SMCHD1: variants seen among roughly 807,000 people sequenced by gnomAD.
The protein encoded by SMCHD1 is structural maintenance of chromosomes flexible hinge domain-containing protein 1.
SMCHD1 carries 78 observed loss-of-function variants against 254.7 expected under a neutral mutation model. The observed-to-expected ratio is 0.31, with a 90% confidence interval of 0.26 to 0.37. The LOEUF (loss-of-function observed/expected upper bound fraction) is 0.37, where lower values mean the gene tolerates loss of function less well. Ranked by LOEUF, SMCHD1 falls within the 10% of genes least tolerant of loss-of-function variation. The pLI is 1.00. For synonymous variants in SMCHD1, 766 were observed against 794.9 expected, an observed-to-expected ratio of 0.96 and a Z score of 0.61; for missense variants, 1,840 against 2,408.1, an observed-to-expected ratio of 0.76 and a Z score of 4.94.
At chr18:2,714,638 A>T (rs894756198) in intron 17 of SMCHD1, among the ~76,000 whole-genome samples, 1 of 151,962 alleles carries the variant, frequency 6.6e-6, no homozygotes, top group Non-Finnish European at 1.5e-5. Flanking sequence ...ATTGTTTTAT[A>T]ATACCTGTGA....
At chr18:2,709,323 C>A (rs1440297344) in intron 17 of SMCHD1, among the ~76,000 whole-genome samples, 1 of 151,284 alleles carries the variant, frequency 6.6e-6, no homozygotes, top group Non-Finnish European at 1.5e-5. Context: ...GTTACTTTCA[C>A]CTGTTGTCTA....
Position 2,762,062 on chromosome 18 carries a change from C to T in SMCHD1, c.4435-43C>T, listed in dbSNP as rs1221004053. 3.8e-6 allele frequency: 6 copies of T among 1,559,798 alleles called. No individual in the cohort carries two copies. The South Asian group carries it at 7.0e-5, about 18-fold the overall frequency. On this transcript the variant is annotated intron_variant, in intron 35 of 47. Coordinates refer to ENST00000320876, the MANE Select transcript of SMCHD1 (RefSeq NM_015295.3). ...CTTCCCTTCCTCTTAAATGCTAAAG[C>T]ATCAATATATTGTTAATCAGAATGT...
Position 2,804,243 on chromosome 18 carries a change from C to T in SMCHD1, c.*1691C>T, listed in dbSNP as rs1311906283. ...TTTAAATCCAAGGCATTGAGACTAT[C>T]TAGAAGCAAAAAAGTTGGTTTTAAA... On this transcript the variant is annotated 3_prime_UTR_variant, in exon 48 of 48. Transcript: ENST00000320876. 2 of 152,186 alleles carry T rather than the reference C, an allele frequency of 1.3e-5. No homozygotes were observed. Among genetic ancestry groups the T allele is most frequent in the Non-Finnish European group, 2.9e-5 (2 of 68,028 alleles). 9.4% of individuals were successfully genotyped at this position (152,186 alleles called of 1,614,324 possible). A position where few individuals can be genotyped will look rare whatever the true frequency, so the allele number is the denominator to read the frequency against.
chr18:2,667,826 C>T lies in SMCHD1; in HGVS notation c.424+795C>T, dbSNP rs551238884. Among the ~76,000 whole-genome samples, 65 of 152,130 alleles carry T rather than the reference C, an allele frequency of 4.3e-4. 1 individual carries two copies. Among genetic ancestry groups the T allele is most frequent in the Non-Finnish European group, 8.4e-4 (57 of 67,986 alleles). On this transcript the variant is annotated intron_variant, in intron 3 of 47. Transcript: ENST00000320876. The stretch of plus-strand genomic sequence containing the variant: ...AGTGAACATCTTTTAATATATATGT[C>T]TCTGTATATTTTGATAATATTTAGG...
chr18:2,671,081 C>T (rs903175489), intron 3 of SMCHD1, among the ~76,000 whole-genome samples: 6 of 151,364 alleles, frequency 4.0e-5, no homozygotes, highest in African/African-American at 1.5e-4. Context: ...GGATTACAGG[C>T]GTGCACCACC....
At position 2,683,151 on chromosome 18, in the gene SMCHD1, T is replaced by G. The variant is rs183856058; in HGVS notation, c.639-5243T>G. Reference sequence around the variant, plus strand: ...TTTGTATATTTTCCCAGAAATATTTTAAGGAAAATATCAGAGAGTATTTTC... The same window carrying G: ...TTTGTATATTTTCCCAGAAATATTTGAAGGAAAATATCAGAGAGTATTTTC... On this transcript the variant is annotated intron_variant, in intron 5 of 47. Coordinates refer to ENST00000320876, the MANE Select transcript of SMCHD1 (RefSeq NM_015295.3). Among the ~76,000 whole-genome samples the G allele has an allele frequency of 4.1e-3, 626 of 152,320 alleles. 3 individuals are homozygous for G. Among genetic ancestry groups the G allele is most frequent in the African/African-American group, 0.015 (605 of 41,566 alleles).
intron 8 of SMCHD1, among the ~76,000 whole-genome samples, 166 bp from the exon 9 acceptor site, chr18:2,696,866 A>G (rs1436918335): frequency 6.6e-6 from 1 of 152,180 alleles, no homozygotes; most frequent in Non-Finnish European, 1.5e-5. Context: ...AGATGCAGTA[A>G]TACCTGCATC....
intron 3 of SMCHD1, 52 bp from the exon 4 acceptor site, chr18:2,673,229 A>G (rs2073659098): frequency 2.7e-6 from 4 of 1,504,286 alleles, no homozygotes; most frequent in Non-Finnish European, 2.7e-6. Context: ...GAACTTTTAT[A>G]TAAAGTATGT....
At chr18:2,750,223 G>A (rs2075545520) in intron 31 of SMCHD1, 101 bp downstream of exon 31, 2 of 1,407,580 alleles carry the variant, frequency 1.4e-6, no homozygotes, top group Admixed American at 4.5e-5. Context: ...TTTAATGTTA[G>A]GCAAGAGTTG....
At chr18:2,745,549 A>G (rs1206210556) in intron 29 of SMCHD1, among the ~76,000 whole-genome samples, 1 of 152,220 alleles carries the variant, frequency 6.6e-6, no homozygotes, top group African/African-American at 2.4e-5. Flanking sequence ...CTGAAAAGCC[A>G]GTGCATTTTT....
At chr18:2,765,555 A>T (rs1335848343) in intron 37 of SMCHD1, among the ~76,000 whole-genome samples, 2 of 152,182 alleles carry the variant, frequency 1.3e-5, no homozygotes, top group African/African-American at 4.8e-5. Context: ...AGTTTCCAAC[A>T]TTTAAAGTTC....
In SMCHD1 at chr18:2,688,330, A is replaced by G. The variant is rs1034138670; in HGVS notation, c.639-64A>G. On this transcript the variant is annotated intron_variant, in intron 5 of 47. Transcript: ENST00000320876. The stretch of plus-strand genomic sequence containing the variant: ...TTTATTAACACTGAATACAAGTGCA[A>G]TGAAAGTTTCTTTTGACACTTAACT... The G allele has an allele frequency of 4.6e-5, 53 of 1,140,460 alleles. No homozygotes were observed. In the Admixed American group the frequency reaches 8.2e-4, roughly 18 times the overall value. 70.6% of individuals were successfully genotyped at this position (1,140,460 alleles called of 1,614,324 possible). A position where few individuals can be genotyped will look rare whatever the true frequency, so the allele number is the denominator to read the frequency against.
At chr18:2,679,246 G>A (rs1177454750) in intron 5 of SMCHD1, among the ~76,000 whole-genome samples, 2 of 143,056 alleles carry the variant, frequency 1.4e-5, no homozygotes, top group South Asian at 2.2e-4. Context: ...TTGGGAGGGC[G>A]AGGCAGGCAG....
chr18:2,753,548 A>G (rs2075615262), intron 34 of SMCHD1, among the ~76,000 whole-genome samples: 1 of 152,184 alleles, frequency 6.6e-6, no homozygotes, highest in Admixed American at 6.6e-5. Flanking sequence ...TAACTTGAGT[A>G]GCTTGAGGGT....
intron 29 of SMCHD1, among the ~76,000 whole-genome samples, chr18:2,744,138 G>A (rs1219044776): frequency 6.6e-6 from 1 of 152,124 alleles, no homozygotes; most frequent in African/African-American, 2.4e-5. Flanking sequence ...AAAATAATGA[G>A]TGTAATAATT....
In SMCHD1 at chr18:2,802,858, G is replaced by C. The variant is rs1212802078; in HGVS notation, c.*306G>C. On this transcript the variant is annotated 3_prime_UTR_variant, in exon 48 of 48. Transcript: ENST00000320876. ...GGCAGTGACTGTAAAACTGGCACATGGCATTTATTAATCCTGAAGAAAAGT... is the reference window on the plus strand; with the variant it reads ...GGCAGTGACTGTAAAACTGGCACATCGCATTTATTAATCCTGAAGAAAAGT... 1 of 288,126 alleles carries C rather than the reference G, an allele frequency of 3.5e-6. No homozygotes were observed. The highest frequency in any genetic ancestry group is 6.4e-6 in the Non-Finnish European group (1 of 156,564). 17.8% of individuals were successfully genotyped at this position (288,126 alleles called of 1,614,324 possible).
chr18:2,803,224 A>G lies in SMCHD1; in HGVS notation c.*672A>G, dbSNP rs1340901881. ...TATATATATATATATATATAAATAT[A>G]TATATATAAAATATTCAGCAGCACC... On this transcript the variant is annotated 3_prime_UTR_variant, in exon 48 of 48. Transcript: ENST00000320876. The G allele has an allele frequency of 6.8e-6, 1 of 147,702 alleles. No individual in the cohort carries two copies. Among genetic ancestry groups the G allele is most frequent in the Non-Finnish European group, 1.5e-5 (1 of 67,066 alleles). 9.1% of individuals were successfully genotyped at this position (147,702 alleles called of 1,614,324 possible). A position where few individuals can be genotyped will look rare whatever the true frequency, so the allele number is the denominator to read the frequency against.
chr18:2,703,568 A>AT, intron 12 of SMCHD1, 124 bp from the exon 13 acceptor site: 1 of 729,456 alleles, frequency 1.4e-6, no homozygotes, highest in Non-Finnish European at 2.2e-6. Context: ...AGAATATTTA[A>AT]TTTTTTATTA....
chr18:2,682,170 T>G (rs2073945728), intron 5 of SMCHD1, among the ~76,000 whole-genome samples: 1 of 152,088 alleles, frequency 6.6e-6, no homozygotes, highest in Non-Finnish European at 1.5e-5. Context: ...GTTTGGTGTT[T>G]TTTTTTTCCT....
Sources: allele counts gnomAD v4.1 joint callset (sites outside exome capture counted in the v4.1 genomes callset), GRCh38; gene constraint gnomAD v4.1.1; transcripts MANE v1.5; gene names NCBI Gene and HGNC (gene_info 2026-07-23, HGNC 2026-07-21).